The following ASTN1 variants were observed in gnomAD, a reference collection of about 807,000 sequenced individuals.
The protein encoded by ASTN1 is astrotactin 1.
ASTN1 carries 41 observed loss-of-function variants against 140.7 expected under a neutral mutation model. That is an observed-to-expected ratio of 0.29 (90% confidence interval 0.23 to 0.38). The LOEUF (loss-of-function observed/expected upper bound fraction) is 0.38. Among genes scored for constraint, ASTN1 ranks in the 10% least tolerant of loss-of-function variants. The probability of loss-of-function intolerance (pLI) is 1.00; values close to 1 mark genes in which losing one functional copy is unlikely to be tolerated. For synonymous variants in ASTN1, 640 were observed against 652.2 expected (o/e 0.98, Z 0.29); for missense variants, 1,479 against 1,678.8 (o/e 0.88, Z 2.08).
chr1:176,887,942 A>G, intron 18 of ASTN1, 129 bp downstream of exon 18: 1 of 1,306,888 alleles, frequency 7.7e-7, no homozygotes, highest in South Asian at 1.5e-5. Flanking sequence ...GTAGATTGAA[A>G]GCTCTCTAAA....
At chr1:177,133,922 C>T (rs1682053059) in intron 1 of ASTN1, among the ~76,000 whole-genome samples, 1 of 152,174 alleles carries the variant, frequency 6.6e-6, no homozygotes. Context: ...AGTAACTTAT[C>T]TTGAATATTT....
chr1:177,147,406 T>G (rs1400493846), intron 1 of ASTN1, among the ~76,000 whole-genome samples: 1 of 152,098 alleles, frequency 6.6e-6, no homozygotes, highest in Non-Finnish European at 1.5e-5. Context: ...ACTAAGAAAC[T>G]GTCTGCCTTT....
At chr1:177,075,833 G>A (rs1356512542) in intron 1 of ASTN1, among the ~76,000 whole-genome samples, 1 of 151,190 alleles carries the variant, frequency 6.6e-6, no homozygotes, top group Non-Finnish European at 1.5e-5. Context: ...GTAGATACAG[G>A]GTCTTGCTAT....
chr1:177,013,969 C>T (rs1272579084), intron 8 of ASTN1, among the ~76,000 whole-genome samples: 1 of 151,610 alleles, frequency 6.6e-6, no homozygotes, highest in Non-Finnish European at 1.5e-5. Context: ...TGGCTTGAGG[C>T]CAGGAGTTGG....
chr1:176,880,053 A>G (rs1194234631), intron 20 of ASTN1, among the ~76,000 whole-genome samples: 1 of 152,190 alleles, frequency 6.6e-6, no homozygotes, highest in Non-Finnish European at 1.5e-5. Context: ...TACTGGGCAG[A>G]AGAGATAAGC....
chr1:177,052,750 T>C (rs1422862184), intron 2 of ASTN1, among the ~76,000 whole-genome samples: 1 of 152,198 alleles, frequency 6.6e-6, no homozygotes, highest in Non-Finnish European at 1.5e-5. Context: ...ATTCTCTATG[T>C]TCCTTCCTAA....
intron 16 of ASTN1, among the ~76,000 whole-genome samples, chr1:176,911,536 A>AT (rs1670240456): frequency 6.6e-6 from 1 of 151,800 alleles, no homozygotes; most frequent in Non-Finnish European, 1.5e-5. Flanking sequence ...TTAAATTTTT[A>AT]TTTTTTTATT....
intron 8 of ASTN1, among the ~76,000 whole-genome samples, chr1:176,972,069 T>C (rs1449188174): frequency 1.3e-5 from 2 of 152,320 alleles, no homozygotes; most frequent in Middle Eastern, 3.4e-3. Context: ...TTGTACAATA[T>C]GTTACTATAC....
intron 18 of ASTN1, among the ~76,000 whole-genome samples, chr1:176,886,294 G>A (rs1200413353): frequency 1.3e-5 from 2 of 152,174 alleles, no homozygotes; most frequent in African/African-American, 4.8e-5. Flanking sequence ...TTAATCTTTT[G>A]CAATAAGATT....
intron 8 of ASTN1, among the ~76,000 whole-genome samples, chr1:176,970,829 C>T (rs1338488806): frequency 1.3e-5 from 2 of 151,572 alleles, no homozygotes; most frequent in Admixed American, 6.6e-5. Context: ...TAGGGCATTT[C>T]ATTAAGGGCT....
Position 176,945,930 on chromosome 1 carries a change from A to G in ASTN1, c.2245T>C (p.Phe749Leu). 1.2e-6 allele frequency: 2 copies of G among 1,608,294 alleles called. No individual in the cohort carries two copies. Among genetic ancestry groups the G allele is most frequent in the South Asian group, 2.2e-5 (2 of 90,204 alleles). The stretch of plus-strand genomic sequence containing the variant: ...TTCTATGTATATGAGGTTTACCTGA[A>G]TGTTCCTTTCAGCACCTGTCCGGCA... ...VAAGQVLKGT[F>L]RQNNFARGLD... The change falls in exon 13 of 23, where the codon TTC (phenylalanine) becomes CTC (leucine). Residue 749 changes from phenylalanine to leucine, a missense_variant. Around this residue, in one of 3 missense-constraint regions of ASTN1, gnomAD observed 746 missense variants for 800.9 expected, o/e 0.93. Transcript: ENST00000361833.
chr1:176,887,338 C>T (rs1184717765), intron 18 of ASTN1, among the ~76,000 whole-genome samples: 1 of 152,164 alleles, frequency 6.6e-6, no homozygotes, highest in Non-Finnish European at 1.5e-5. Flanking sequence ...ACCTGCCTAT[C>T]CTTTGATTCT....
At chr1:176,873,633 T>C (rs1204801456) in intron 21 of ASTN1, among the ~76,000 whole-genome samples, 1 of 152,194 alleles carries the variant, frequency 6.6e-6, no homozygotes, top group East Asian at 1.9e-4. Flanking sequence ...CATATGGTAT[T>C]TTGGTAGAAC....
At chr1:176,893,580 G>A (rs1459198901) in intron 17 of ASTN1, among the ~76,000 whole-genome samples, 1 of 152,178 alleles carries the variant, frequency 6.6e-6, no homozygotes, top group African/African-American at 2.4e-5. Flanking sequence ...AATCCCTCCT[G>A]TTGGTCTGGG....
chr1:176,965,098 G>T, intron 9 of ASTN1, 65 bp downstream of exon 9: 1 of 1,491,088 alleles, frequency 6.7e-7, no homozygotes, highest in Non-Finnish European at 9.3e-7. Flanking sequence ...AGGAAAGTCA[G>T]TTCGGGGGAA....
downstream of ASTN1, among the ~76,000 whole-genome samples, chr1:176,859,258 G>T (rs537683387): frequency 1.3e-3 from 198 of 152,108 alleles, no homozygotes; most frequent in African/African-American, 4.6e-3. Context: ...GGGCTCTAAG[G>T]TTTACCCCCT....
At chr1:177,111,465 C>T (rs1339869447) in intron 1 of ASTN1, among the ~76,000 whole-genome samples, 2 of 152,064 alleles carry the variant, frequency 1.3e-5, no homozygotes, top group Admixed American at 6.5e-5. Flanking sequence ...CTAACAAGCT[C>T]CCAGGTGATG....
chr1:177,006,236 C>A (rs1674987896), intron 8 of ASTN1, among the ~76,000 whole-genome samples: 1 of 152,164 alleles, frequency 6.6e-6, no homozygotes, highest in South Asian at 2.1e-4. Context: ...ATACGTTACC[C>A]TATTTTGTGA....
intron 15 of ASTN1, chr1:176,936,065 T>A (rs7522096): frequency 1.5e-6 from 1 of 651,368 alleles, no homozygotes; most frequent in South Asian, 1.7e-5. Context: ...AGATAACACA[T>A]GCAATGTAAT....
Sources: allele counts gnomAD v4.1 joint callset (sites outside exome capture counted in the v4.1 genomes callset), GRCh38; gene constraint gnomAD v4.1.1; regional missense constraint gnomAD v4.1.1; transcripts MANE v1.5; gene names NCBI Gene and HGNC (gene_info 2026-07-23, HGNC 2026-07-21).